CACNB4: variants seen among roughly 807,000 people sequenced by gnomAD.
The protein encoded by CACNB4 is calcium voltage-gated channel auxiliary subunit beta 4.
CACNB4 carries 32 observed loss-of-function variants against 71.2 expected under a neutral mutation model. That is an observed-to-expected ratio of 0.45 (90% CI 0.34 to 0.60). The LOEUF is 0.60. Among genes scored for constraint, CACNB4 ranks in the 20% least tolerant of loss-of-function variants. The pLI is 0.01. For synonymous variants in CACNB4, 231 were observed against 236.9 expected, an observed-to-expected ratio of 0.97 and a Z score of 0.23; for missense variants, 464 against 647.9, an observed-to-expected ratio of 0.72 and a Z score of 3.08.
At chr2:152,006,401 C>CAT (rs1553809312) in intron 2 of CACNB4, among the ~76,000 whole-genome samples, 3 of 138,544 alleles carry the variant, frequency 2.2e-5, no homozygotes. Flanking sequence ...TCTTTTCTTT[C>CAT]TTTTTTTTTT....
chr2:151,870,648 G>A, intron 7 of CACNB4, 37 bp from the exon 8 acceptor site: 2 of 1,527,366 alleles, frequency 1.3e-6, no homozygotes, highest in Non-Finnish European at 1.8e-6. Context: ...ACAAGGTGAG[G>A]TTGAGCATGC....
intron 2 of CACNB4, among the ~76,000 whole-genome samples, chr2:151,946,418 T>C (rs1289978833): frequency 3.3e-5 from 5 of 151,684 alleles, no homozygotes; most frequent in Non-Finnish European, 7.4e-5. Flanking sequence ...CACAGGACAG[T>C]CCCAGGCAAA....
chr2:152,042,606 C>T (rs1386310044), intron 2 of CACNB4, among the ~76,000 whole-genome samples: 1 of 152,096 alleles, frequency 6.6e-6, no homozygotes, highest in Non-Finnish European at 1.5e-5. Flanking sequence ...AGCAGATAAT[C>T]ATTTTAAAAA....
At chr2:151,900,536 T>C (rs1279307761) in intron 2 of CACNB4, among the ~76,000 whole-genome samples, 1 of 152,148 alleles carries the variant, frequency 6.6e-6, no homozygotes, top group Admixed American at 6.5e-5. Context: ...GAGGTTCATG[T>C]TGAGGAGTAG....
intron 2 of CACNB4, among the ~76,000 whole-genome samples, chr2:151,941,795 T>C (rs2099864331): frequency 6.6e-6 from 1 of 152,132 alleles, no homozygotes; most frequent in Admixed American, 6.5e-5. Flanking sequence ...TGCTAAATTG[T>C]GTTATGTACC....
At position 151,996,050 on chromosome 2, in the gene CACNB4, CTA is replaced by C. The variant is rs1230072137; in HGVS notation, c.147+102278_147+102279del. The stretch of plus-strand genomic sequence containing the variant: ...TGGCTTCTGTTTGTTGTTATTTTTC[CTA>C]TATAAGTCTACAAACACCAGCACCA... On this transcript the variant is annotated intron_variant, in intron 2 of 13. Coordinates refer to ENST00000539935, the MANE Select transcript of CACNB4 (RefSeq NM_000726.5). Among the ~76,000 whole-genome samples, 6 of 152,300 alleles carry C rather than the reference CTA, an allele frequency of 3.9e-5. No individual in the cohort carries two copies. The East Asian group carries it at 1.2e-3, about 29-fold the overall frequency.
chr2:152,058,505 T>C (rs1685841063), intron 2 of CACNB4, among the ~76,000 whole-genome samples: 1 of 152,200 alleles, frequency 6.6e-6, no homozygotes, highest in African/African-American at 2.4e-5. Context: ...TATTGGGAGC[T>C]AGAGCAAAGG....
At chr2:151,846,176 G>C (rs750146511) in intron 12 of CACNB4, among the ~76,000 whole-genome samples, 1 of 152,138 alleles carries the variant, frequency 6.6e-6, no homozygotes, top group African/African-American at 2.4e-5. Context: ...GTGGTTGCTG[G>C]GGATCTCAGT....
At chr2:151,932,571 A>G (rs1445434647) in intron 2 of CACNB4, among the ~76,000 whole-genome samples, 1 of 152,128 alleles carries the variant, frequency 6.6e-6, no homozygotes. Context: ...AAAGATAATC[A>G]GTGTTGAAAT....
At chr2:152,096,158 G>A (rs1480750264) in intron 2 of CACNB4, among the ~76,000 whole-genome samples, 1 of 152,134 alleles carries the variant, frequency 6.6e-6, no homozygotes, top group Admixed American at 6.5e-5. Context: ...GAGATCATGT[G>A]TAGTATACTC....
intron 2 of CACNB4, among the ~76,000 whole-genome samples, chr2:152,052,738 G>A (rs1685512072): frequency 6.6e-6 from 1 of 152,116 alleles, no homozygotes; most frequent in African/African-American, 2.4e-5. Context: ...CCAGCACTTT[G>A]GGGGGCTGAG....
intron 13 of CACNB4, among the ~76,000 whole-genome samples, chr2:151,839,929 A>G (rs1458390912): frequency 6.6e-6 from 1 of 152,204 alleles, no homozygotes; most frequent in Non-Finnish European, 1.5e-5. Context: ...AATCTTTCCA[A>G]GGGTGTATAC....
intron 2 of CACNB4, among the ~76,000 whole-genome samples, chr2:152,035,439 A>G (rs1344953239): frequency 6.6e-6 from 1 of 152,160 alleles, no homozygotes; most frequent in Non-Finnish European, 1.5e-5. Flanking sequence ...ACATGCCTGT[A>G]ATCCCAACTA....
At chr2:152,089,118 T>A (rs1348463717) in intron 2 of CACNB4, among the ~76,000 whole-genome samples, 1 of 152,232 alleles carries the variant, frequency 6.6e-6, no homozygotes, top group Non-Finnish European at 1.5e-5. Flanking sequence ...GTGAAATTCC[T>A]GATGTGTCCA....
chr2:151,870,926 T>A, intron 6 of CACNB4, 65 bp from the exon 7 acceptor site: 1 of 1,215,642 alleles, frequency 8.2e-7, no homozygotes, highest in Non-Finnish European at 1.2e-6. Context: ...TACATGAGTT[T>A]AAAAGATGGA....
At chr2:152,091,382 T>A (rs1687964599) in intron 2 of CACNB4, among the ~76,000 whole-genome samples, 1 of 152,228 alleles carries the variant, frequency 6.6e-6, no homozygotes, top group Admixed American at 6.5e-5. Context: ...ACTTTGCAGA[T>A]GAAAATGATT....
intron 2 of CACNB4, among the ~76,000 whole-genome samples, chr2:151,937,837 T>C (rs1162776868): frequency 6.6e-6 from 1 of 152,228 alleles, no homozygotes; most frequent in Non-Finnish European, 1.5e-5. Context: ...TAGAGGGCAC[T>C]TTAGAGAGTT....
intron 2 of CACNB4, among the ~76,000 whole-genome samples, chr2:152,053,428 A>G: frequency 6.6e-6 from 1 of 152,188 alleles, no homozygotes; most frequent in East Asian, 1.9e-4. Context: ...TTCCCCACCC[A>G]TCCAACTAGC....
At chr2:151,854,315 A>T (rs1288159219) in intron 11 of CACNB4, 2 of 152,282 alleles carry the variant, frequency 1.3e-5, no homozygotes, top group Admixed American at 6.5e-5. Context: ...CATTCTACTG[A>T]TTCTCAAAAG....
Sources: allele counts gnomAD v4.1 joint callset (sites outside exome capture counted in the v4.1 genomes callset), GRCh38; gene constraint gnomAD v4.1.1; transcripts MANE v1.5; gene names NCBI Gene and HGNC (gene_info 2026-07-23, HGNC 2026-07-21).